The following ARL8B variants were observed in gnomAD, a reference collection of about 807,000 sequenced individuals.
ARL8B encodes ADP-ribosylation factor-like protein 8B.
ARL8B carries 9 observed loss-of-function variants against 30.6 expected under a neutral mutation model. That is an observed-to-expected ratio of 0.29 (90% confidence interval 0.18 to 0.51). The LOEUF (loss-of-function observed/expected upper bound fraction) is 0.51. Among genes scored for constraint, ARL8B ranks in the 20% least tolerant of loss-of-function variants. The probability of loss-of-function intolerance (pLI) is 0.97; values close to 1 mark genes in which losing one functional copy is unlikely to be tolerated. For synonymous variants in ARL8B, 74 were observed against 76.0 expected, an observed-to-expected ratio of 0.97 and a Z score of 0.14; for missense variants, 130 against 227.2, an observed-to-expected ratio of 0.57 and a Z score of 2.75.
In ARL8B at chr3:5,145,629, G is replaced by A. The variant is rs191031105; in HGVS notation, c.123+23041G>A. Among the ~76,000 whole-genome samples, 13 of 152,308 alleles carry A rather than the reference G, an allele frequency of 8.5e-5. 1 individual carries two copies. In the East Asian group the frequency reaches 2.3e-3, roughly 27 times the overall value. ...CTAAAGATGGGAGGACTAGGGCCGG[G>A]GCTGTAATGAGGGCCTGTTTTAGTT... On this transcript the variant is annotated intron_variant, in intron 1 of 6. Transcript: ENST00000256496.
chr3:5,150,198 T>TA (rs2054467480), intron 1 of ARL8B, among the ~76,000 whole-genome samples: 1 of 152,166 alleles, frequency 6.6e-6, no homozygotes. Flanking sequence ...CACGGTGGCT[T>TA]ACGCTTGTAA....
In ARL8B at chr3:5,170,497, G is replaced by T; in HGVS notation, c.124-6G>T. The T allele has an allele frequency of 6.2e-7, 1 of 1,603,472 alleles. No individual in the cohort carries two copies. Among genetic ancestry groups the T allele is most frequent in the Non-Finnish European group, 8.5e-7 (1 of 1,174,138 alleles). On this transcript the variant is annotated splice_region_variant and splice_polypyrimidine_tract_variant and intron_variant, in intron 1 of 6. Transcript: ENST00000256496. ...AGCCTAACTTCAAATGTTTTATTTT[G>T]TTCAGTCAGGTCAATTCAGTGAAGA...
intron 1 of ARL8B, among the ~76,000 whole-genome samples, chr3:5,140,432 G>A (rs1380273297): frequency 6.6e-6 from 1 of 152,122 alleles, no homozygotes; most frequent in African/African-American, 2.4e-5. Context: ...TTCATCTTGT[G>A]CCGTGATTGT....
chr3:5,131,182 G>C lies in ARL8B; in HGVS notation c.123+8594G>C, dbSNP rs569416935. On this transcript the variant is annotated intron_variant, in intron 1 of 6. Coordinates refer to ENST00000256496, the MANE Select transcript of ARL8B (RefSeq NM_018184.3). ...AGCCTCCCAAAGTACTGGGATTACA[G>C]GTGTGAGCCACCGTGCCCGGCCACC... Among the ~76,000 whole-genome samples the C allele has an allele frequency of 3.3e-5, 5 of 152,192 alleles. No individual in the cohort carries two copies. The South Asian group carries it at 1.0e-3, about 32-fold the overall frequency.
At chr3:5,178,633 T>C (rs373377282) in intron 6 of ARL8B, 31 bp from the exon 7 acceptor site, 3 of 1,587,068 alleles carry the variant, frequency 1.9e-6, no homozygotes, top group African/African-American at 1.4e-5. Flanking sequence ...TTTTTAACTT[T>C]AATGTCTTCA....
rs142237453 is a variant in ARL8B at position 5,134,853 on chromosome 3, C to T, written c.123+12265C>T. On this transcript the variant is annotated intron_variant, in intron 1 of 6. Transcript: ENST00000256496. ...AATGGCTGTTCCACCTTCACTATGT[C>T]ATTCTTTTTGTTGAGATGGAGTCTC... Among the ~76,000 whole-genome samples the T allele has an allele frequency of 1.2e-4, 18 of 152,262 alleles. 1 individual carries two copies. The East Asian group carries it at 3.5e-3, about 29-fold the overall frequency.
At chr3:5,154,468 G>A in intron 1 of ARL8B, among the ~76,000 whole-genome samples, 1 of 151,750 alleles carries the variant, frequency 6.6e-6, no homozygotes, top group East Asian at 1.9e-4. Context: ...CCGAGTAGCT[G>A]GGACTATAGG....
chr3:5,125,350 T>C (rs921476136), intron 1 of ARL8B, among the ~76,000 whole-genome samples: 3 of 152,158 alleles, frequency 2.0e-5, no homozygotes, highest in African/African-American at 7.2e-5. Context: ...ACTGGTATCA[T>C]TTTCTACTTT....
Position 5,164,844 on chromosome 3 carries a change from C to T in ARL8B, c.124-5659C>T, listed in dbSNP as rs539180911. ...CTTTTAATTGTCATGTCTCTTTAGC[C>T]TCTGTTAGTCTGAAACATTTCTACA... On this transcript the variant is annotated intron_variant, in intron 1 of 6. Coordinates refer to ENST00000256496, the MANE Select transcript of ARL8B (RefSeq NM_018184.3). Among the ~76,000 whole-genome samples the T allele has an allele frequency of 5.9e-5, 9 of 152,114 alleles. No homozygotes were observed. In the South Asian group the frequency reaches 1.7e-3, roughly 28 times the overall value.
intron 1 of ARL8B, chr3:5,128,362 A>G (rs114246171): frequency 0.03 from 12,383 of 418,192 alleles, 264 homozygotes; most frequent in Middle Eastern, 0.05. Flanking sequence ...ATAGATTCTG[A>G]GTTGTGGAAA....
chr3:5,171,153 A>G (rs1374911715), intron 2 of ARL8B, among the ~76,000 whole-genome samples: 1 of 152,118 alleles, frequency 6.6e-6, no homozygotes, highest in Non-Finnish European at 1.5e-5. Context: ...TGGCTCATCT[A>G]ATGAAGTTCC....
chr3:5,140,013 G>A (rs2054358637), intron 1 of ARL8B, among the ~76,000 whole-genome samples: 1 of 145,602 alleles, frequency 6.9e-6, no homozygotes, highest in Non-Finnish European at 1.5e-5. Flanking sequence ...TTGAGACGGA[G>A]TCTTGCTGTG....
chr3:5,172,093 C>T (rs1473630255), intron 2 of ARL8B, 57 bp from the exon 3 acceptor site: 1 of 1,472,058 alleles, frequency 6.8e-7, no homozygotes, highest in Non-Finnish European at 9.4e-7. Flanking sequence ...GTTACTTCCT[C>T]TTGCAATCAT....
chr3:5,160,179 A>G (rs1185631233), intron 1 of ARL8B, among the ~76,000 whole-genome samples: 2 of 152,228 alleles, frequency 1.3e-5, no homozygotes, highest in African/African-American at 2.4e-5. Context: ...GTTGACAAAA[A>G]GTGTTATTTG....
chr3:5,172,509 G>A (rs1369756072), intron 3 of ARL8B, 138 bp from the exon 4 acceptor site: 4 of 674,580 alleles, frequency 5.9e-6, no homozygotes, highest in Non-Finnish European at 1.0e-5. Context: ...AGGGTGCTGA[G>A]CCTTTTCTTA....
intron 1 of ARL8B, among the ~76,000 whole-genome samples, chr3:5,151,287 A>G (rs2054480847): frequency 6.6e-6 from 1 of 152,016 alleles, no homozygotes; most frequent in African/African-American, 2.4e-5. Flanking sequence ...TTCTAATATA[A>G]GCATTTGAAG....
chr3:5,152,321 T>C (rs1419189665), intron 1 of ARL8B, among the ~76,000 whole-genome samples: 1 of 152,238 alleles, frequency 6.6e-6, no homozygotes, highest in African/African-American at 2.4e-5. Flanking sequence ...CCTTTTATTA[T>C]GTAATGTCCC....
chr3:5,166,535 AC>A (rs2054625916), intron 1 of ARL8B, among the ~76,000 whole-genome samples: 1 of 148,940 alleles, frequency 6.7e-6, no homozygotes, highest in African/African-American at 2.5e-5. Flanking sequence ...GCAGGGTTTC[AC>A]CATGTTGCCC....
chr3:5,164,499 A>T (rs962222471), intron 1 of ARL8B, among the ~76,000 whole-genome samples: 4 of 152,232 alleles, frequency 2.6e-5, no homozygotes, highest in Non-Finnish European at 4.4e-5. Context: ...CCTTTCTAGG[A>T]TCAAACTGTG....
Sources: allele counts gnomAD v4.1 joint callset (sites outside exome capture counted in the v4.1 genomes callset), GRCh38; gene constraint gnomAD v4.1.1; transcripts MANE v1.5; gene names NCBI Gene and HGNC (gene_info 2026-07-23, HGNC 2026-07-21).